The following FSD1L variants were observed in gnomAD, a reference collection of about 807,000 sequenced individuals.
The protein encoded by FSD1L is fibronectin type III and SPRY domain containing 1 like.
A neutral mutation model predicts 71.6 loss-of-function variants in FSD1L; 45 were observed. The ratio of observed to expected loss-of-function variants is 0.63; its 90% CI spans 0.49 to 0.81. The LOEUF (loss-of-function observed/expected upper bound fraction) is 0.81. Among genes scored for constraint, FSD1L ranks in the 30% least tolerant of loss-of-function variants. The pLI is 0.00. For missense variants in FSD1L, 561 were observed against 618.1 expected (o/e 0.91, Z 0.98); for synonymous variants, 197 against 207.2 (o/e 0.95, Z 0.42).
At chr9:105,491,318 A>G (rs1175240543) in intron 7 of FSD1L, among the ~76,000 whole-genome samples, 1 of 151,276 alleles carries the variant, frequency 6.6e-6, no homozygotes, top group Admixed American at 6.6e-5. Flanking sequence ...TTGGTGTATA[A>G]GAATGCTTGT....
chr9:105,533,414 A>ATTTTTTTTTTTTTTTTTTTTTTTTTTT (rs1271918066), intron 10 of FSD1L, among the ~76,000 whole-genome samples: 2 of 13,374 alleles, frequency 1.5e-4, no homozygotes, highest in Admixed American at 9.4e-4. Context: ...TGCCATTTCC[A>ATTTTTTTTTTTTTTTTTTTTTTTTTTT]TCTTTTTTTT....
At chr9:105,534,246 A>G (rs1199824553) in intron 10 of FSD1L, among the ~76,000 whole-genome samples, 1 of 152,030 alleles carries the variant, frequency 6.6e-6, no homozygotes, top group Non-Finnish European at 1.5e-5. Context: ...TATTCTTTGT[A>G]TAAGCCTTGC....
upstream of FSD1L, among the ~76,000 whole-genome samples, chr9:105,445,784 C>T (rs1829628710): frequency 6.6e-6 from 1 of 152,238 alleles, no homozygotes; most frequent in East Asian, 1.9e-4. Flanking sequence ...AATGGCTTGG[C>T]GCCTGGCTGC....
At chr9:105,535,417 G>A in intron 12 of FSD1L, 99 bp downstream of exon 12, 1 of 1,278,670 alleles carries the variant, frequency 7.8e-7, no homozygotes, top group Non-Finnish European at 1.1e-6. Context: ...AGTATTGTGG[G>A]AAGGACATTT....
intron 9 of FSD1L, among the ~76,000 whole-genome samples, chr9:105,509,046 A>T (rs1249820336): frequency 6.6e-6 from 1 of 152,228 alleles, no homozygotes; most frequent in Non-Finnish European, 1.5e-5. Flanking sequence ...AGAATGGATT[A>T]TGAATCAATA....
intron 9 of FSD1L, among the ~76,000 whole-genome samples, chr9:105,511,270 C>A (rs1422861424): frequency 6.6e-6 from 1 of 151,802 alleles, no homozygotes; most frequent in East Asian, 1.9e-4. Context: ...AGGGGACAGC[C>A]TTAGGATTTC....
At chr9:105,484,206 A>G (rs140024517) in intron 6 of FSD1L, among the ~76,000 whole-genome samples, 175 bp from the exon 7 acceptor site, 5 of 152,214 alleles carry the variant, frequency 3.3e-5, no homozygotes, top group African/African-American at 1.2e-4. Flanking sequence ...GACATTTTGT[A>G]GTTTTTTATT....
chr9:105,503,023 G>T (rs1401910974), intron 7 of FSD1L, among the ~76,000 whole-genome samples: 1 of 151,156 alleles, frequency 6.6e-6, no homozygotes, highest in African/African-American at 2.4e-5. Context: ...GACCACACAG[G>T]CATGCACCGC....
At chr9:105,471,011 A>G (rs1229418391) in intron 4 of FSD1L, among the ~76,000 whole-genome samples, 2 of 151,682 alleles carry the variant, frequency 1.3e-5, no homozygotes, top group Non-Finnish European at 2.9e-5. Context: ...TTAATCTCCA[A>G]CCTTCCCTTT....
At chr9:105,476,470 C>G (rs1330397951) in intron 5 of FSD1L, among the ~76,000 whole-genome samples, 1 of 152,102 alleles carries the variant, frequency 6.6e-6, no homozygotes, top group East Asian at 1.9e-4. Context: ...CAAGATTTAC[C>G]ACTGCTCTGT....
At chr9:105,449,614 T>TA (rs1434024131) in intron 1 of FSD1L, among the ~76,000 whole-genome samples, 1 of 152,234 alleles carries the variant, frequency 6.6e-6, no homozygotes, top group African/African-American at 2.4e-5. Flanking sequence ...GAGTATTTTA[T>TA]AGTGTCATAG....
At chr9:105,472,309 A>T (rs1016842463) in intron 5 of FSD1L, 3 of 285,352 alleles carry the variant, frequency 1.1e-5, no homozygotes, top group Admixed American at 1.0e-4. Context: ...CTTATTGCAG[A>T]TAAATGCCCC....
intron 7 of FSD1L, among the ~76,000 whole-genome samples, chr9:105,490,520 G>C (rs181867636): frequency 2.7e-5 from 4 of 150,440 alleles, no homozygotes; most frequent in African/African-American, 4.9e-5. Context: ...TTAGATCCCA[G>C]TTGTCAATTT....
At chr9:105,482,729 G>GT (rs924038135) in intron 6 of FSD1L, among the ~76,000 whole-genome samples, 51 of 151,984 alleles carry the variant, frequency 3.4e-4, no homozygotes, top group Admixed American at 2.4e-3. Context: ...AGTTGTTCTT[G>GT]TTTTTTTTAA....
At chr9:105,442,317 G>A in the FSD1L span, among the ~76,000 whole-genome samples, 1 of 152,108 alleles carries the variant, frequency 6.6e-6, no homozygotes, top group Non-Finnish European at 1.5e-5. Flanking sequence ...AACTGAGTCA[G>A]AAAGGGAATG....
chr9:105,493,220 C>T (rs1270993261), intron 7 of FSD1L, among the ~76,000 whole-genome samples: 2 of 152,148 alleles, frequency 1.3e-5, no homozygotes, highest in African/African-American at 4.8e-5. Flanking sequence ...CTAGTTAGCT[C>T]TTCTTGTTGA....
intron 7 of FSD1L, among the ~76,000 whole-genome samples, chr9:105,485,252 G>C (rs904166632): frequency 6.6e-6 from 1 of 152,214 alleles, no homozygotes; most frequent in African/African-American, 2.4e-5. Context: ...ATATCTGGCA[G>C]CTTCTGGTGA....
intron 10 of FSD1L, chr9:105,520,467 G>T (rs1460836499): frequency 1.9e-6 from 2 of 1,059,088 alleles, no homozygotes; most frequent in Middle Eastern, 2.8e-4. Flanking sequence ...GTCTTAAACA[G>T]AAAGGTCACA....
intron 10 of FSD1L, chr9:105,531,101 G>A (rs1437840283): frequency 6.6e-6 from 1 of 152,140 alleles, no homozygotes; most frequent in African/African-American, 2.4e-5. Flanking sequence ...GTTTTGCTTT[G>A]TTTTACCTCA....
Sources: gnomAD v4.1 joint callset for allele counts (sites outside exome capture counted in the v4.1 genomes callset) on GRCh38, gnomAD v4.1.1 for gene constraint, MANE v1.5 for transcripts, NCBI Gene and HGNC (gene_info 2026-07-23, HGNC 2026-07-21) for gene names.